The following IKZF2 variants were observed in gnomAD, a reference collection of about 807,000 sequenced individuals.
IKZF2 encodes the protein zinc finger protein Helios.
IKZF2 carries 15 observed loss-of-function variants against 49.2 expected under a neutral mutation model. That is an observed-to-expected ratio of 0.30 (90% CI 0.20 to 0.47). IKZF2 has a LOEUF of 0.47. Ranked by LOEUF, IKZF2 falls within the 20% of genes least tolerant of loss-of-function variation. The pLI, the probability that IKZF2 is intolerant of heterozygous loss-of-function variation, is 1.00. For missense variants in IKZF2, 567 were observed against 664.6 expected (o/e 0.85, Z 1.61); for synonymous variants, 227 against 221.4 (o/e 1.03, Z -0.23).
Position 213,007,624 on chromosome 2 carries a change from C to T in IKZF2, c.1317G>A (p.Glu439=), listed in dbSNP as rs766389361. ...KRKQSPAYMK[E]DVKALDTTKA... is the part of the protein sequence containing the mutation. ...TGGTAGTATCCAAAGCTTTGACATC[C>T]TCCTTCATGTAAGCTGGGCTTTGTT... The change falls in exon 9 of 9, where the codon GAG becomes GAA. Residue 439 remains glutamate, a synonymous_variant. Transcript: ENST00000434687. 4.3e-6 allele frequency: 7 copies of T among 1,613,734 alleles called. No individual in the cohort carries two copies. The highest frequency in any genetic ancestry group is 3.3e-5 in the South Asian group (3 of 91,078).
At chr2:213,039,103 T>G (rs1042277090) in intron 6 of IKZF2, among the ~76,000 whole-genome samples, 1 of 152,068 alleles carries the variant, frequency 6.6e-6, no homozygotes, top group Non-Finnish European at 1.5e-5. Flanking sequence ...TAAAAATGCA[T>G]GTTAGTTTGA....
rs533632798 is a variant in IKZF2, at chr2:213,030,168, C to A, written c.575-8038G>T. 1.1e-4 allele frequency among the ~76,000 whole-genome samples: 17 copies of A among 152,014 alleles called. No homozygotes were observed. In the South Asian group the frequency reaches 3.5e-3, roughly 32 times the overall value. On this transcript the variant is annotated intron_variant, in intron 6 of 8. Transcript: ENST00000434687. ...TAGAGGTTTTACATTTTCTTGTGGT[C>A]AAAATTGTTGGTAGTTTCCCACGTT...
intron 4 of IKZF2, among the ~76,000 whole-genome samples, chr2:213,108,406 G>T (rs769040544): frequency 1.3e-5 from 2 of 152,100 alleles, no homozygotes; most frequent in African/African-American, 2.4e-5. Context: ...TTGTGTGCAT[G>T]AAAAGACAGA....
chr2:213,102,424 A>C (rs117622473), intron 4 of IKZF2, among the ~76,000 whole-genome samples: 2,225 of 152,304 alleles, frequency 0.015, 32 homozygotes, highest in East Asian at 0.058. Flanking sequence ...GGACTTGTCC[A>C]TTAAATGTAA....
At chr2:213,023,224 T>C (rs1333895980) in intron 6 of IKZF2, among the ~76,000 whole-genome samples, 1 of 152,148 alleles carries the variant, frequency 6.6e-6, no homozygotes, top group Non-Finnish European at 1.5e-5. Flanking sequence ...CTAACTCCAG[T>C]TAACTTATAA....
chr2:213,044,831 A>G (rs1490372152), intron 6 of IKZF2, among the ~76,000 whole-genome samples: 1 of 152,212 alleles, frequency 6.6e-6, no homozygotes, highest in African/African-American at 2.4e-5. Flanking sequence ...AGGGTTATAG[A>G]ATTGCAATGC....
Position 213,077,730 on chromosome 2 carries a change from G to A in IKZF2, c.140-20631C>T, listed in dbSNP as rs12999625. Among the ~76,000 whole-genome samples the A allele has an allele frequency of 2.5e-3, 387 of 151,778 alleles. 3 individuals are homozygous for A. Among genetic ancestry groups the A allele is most frequent in the African/African-American group, 8.6e-3 (354 of 41,392 alleles). On this transcript the variant is annotated intron_variant, in intron 4 of 8. Transcript: ENST00000434687. ...AGCCTCCCAAGTAGCTGGGACTACA[G>A]GCGCCCGCCACCATGTCCGGCTAAT...
chr2:213,049,035 C>G (rs940474072), intron 6 of IKZF2, among the ~76,000 whole-genome samples: 15 of 151,964 alleles, frequency 9.9e-5, no homozygotes, highest in Non-Finnish European at 1.9e-4. Flanking sequence ...GATTTCTGAT[C>G]ATTCTTTTCT....
chr2:213,046,685 G>T (rs1419412367), intron 6 of IKZF2, among the ~76,000 whole-genome samples: 5 of 152,192 alleles, frequency 3.3e-5, no homozygotes, highest in Non-Finnish European at 7.3e-5. Context: ...GTGACAGAAA[G>T]TCTAGGGAAG....
Position 213,057,111 on chromosome 2 carries a change from A to C in IKZF2, c.140-12T>G. ...CTTTACTGAATTTGCTGTAATTTGAAAAGAAGAAAATAAATTTTAAATACA... is the reference window on the plus strand; with the variant it reads ...CTTTACTGAATTTGCTGTAATTTGACAAGAAGAAAATAAATTTTAAATACA... On this transcript the variant is annotated splice_polypyrimidine_tract_variant and intron_variant, in intron 4 of 8. Transcript: ENST00000434687. The C allele has an allele frequency of 1.9e-6, 3 of 1,606,394 alleles. No individual in the cohort carries two copies.
At chr2:213,068,189 GAT>G (rs1237946399) in intron 4 of IKZF2, among the ~76,000 whole-genome samples, 1 of 152,038 alleles carries the variant, frequency 6.6e-6, no homozygotes, top group Non-Finnish European at 1.5e-5. Context: ...GTGTATGTAT[GAT>G]ATTACATTAA....
At chr2:213,139,317 G>A (rs1415439246) in intron 4 of IKZF2, among the ~76,000 whole-genome samples, 1 of 151,906 alleles carries the variant, frequency 6.6e-6, no homozygotes, top group African/African-American at 2.4e-5. Flanking sequence ...GAGGGAACTG[G>A]ACAAAGGACT....
intron 6 of IKZF2, among the ~76,000 whole-genome samples, chr2:213,037,762 T>G (rs1699177057): frequency 6.6e-6 from 1 of 152,116 alleles, no homozygotes. Flanking sequence ...TGTGTAATTA[T>G]CAGTATAATC....
rs553178459 is a variant in IKZF2 at position 213,127,909 on chromosome 2, C to T, written c.139+19799G>A. Among the ~76,000 whole-genome samples the T allele has an allele frequency of 5.1e-4, 78 of 152,156 alleles. 1 individual carries two copies. In the South Asian group the frequency reaches 0.016, roughly 31 times the overall value. On this transcript the variant is annotated intron_variant, in intron 4 of 8. Transcript: ENST00000434687. ...ATTGTTTTTATAAAGCATTTCCCTT[C>T]CTAAGAGGCTATTAAATTACCATGA...
At chr2:213,034,731 A>G (rs1457175816) in intron 6 of IKZF2, among the ~76,000 whole-genome samples, 1 of 152,234 alleles carries the variant, frequency 6.6e-6, no homozygotes, top group Non-Finnish European at 1.5e-5. Context: ...CAAATGTGAA[A>G]TATTGCAAGA....
chr2:213,045,770 T>C (rs1266930930), intron 6 of IKZF2, among the ~76,000 whole-genome samples: 1 of 152,142 alleles, frequency 6.6e-6, no homozygotes, highest in Non-Finnish European at 1.5e-5. Context: ...CCTTCCTTCG[T>C]GAAAATGAAG....
chr2:213,107,227 A>T (rs920715951), intron 4 of IKZF2, among the ~76,000 whole-genome samples: 3 of 152,206 alleles, frequency 2.0e-5, no homozygotes, highest in Non-Finnish European at 4.4e-5. Context: ...AGTCCTCAGA[A>T]GACCCTTTCT....
intron 4 of IKZF2, among the ~76,000 whole-genome samples, chr2:213,136,045 T>A (rs1292371392): frequency 2.4e-5 from 3 of 124,164 alleles, no homozygotes; most frequent in African/African-American, 1.4e-4. Context: ...CGAGACTCCG[T>A]TTCAAAAAAA....
At chr2:213,100,313 T>C (rs1346710241) in intron 4 of IKZF2, among the ~76,000 whole-genome samples, 1 of 152,066 alleles carries the variant, frequency 6.6e-6, no homozygotes, top group African/African-American at 2.4e-5. Context: ...ACAAATGCTT[T>C]CCAGCCTACA....
Sources: gnomAD v4.1 joint callset for allele counts (sites outside exome capture counted in the v4.1 genomes callset) on GRCh38, gnomAD v4.1.1 for gene constraint, MANE v1.5 for transcripts, NCBI Gene and HGNC (gene_info 2026-07-23, HGNC 2026-07-21) for gene names.